Variants in PDE1A observed in about 807,000 individuals in gnomAD.
PDE1A encodes the protein phosphodiesterase 1A.
A neutral mutation model predicts 61.7 loss-of-function variants in PDE1A; 35 were observed. That is an observed-to-expected ratio of 0.57 (90% CI 0.43 to 0.75). The LOEUF is 0.75. Among genes scored for constraint, PDE1A ranks in the 30% least tolerant of loss-of-function variants. The probability of loss-of-function intolerance (pLI) is 0.00; values close to 1 mark genes in which losing one functional copy is unlikely to be tolerated. For missense variants in PDE1A, 597 were observed against 630.6 expected (o/e 0.95, Z 0.57); for synonymous variants, 232 against 213.2 (o/e 1.09, Z -0.77).
the PDE1A span, among the ~76,000 whole-genome samples, chr2:182,694,713 G>C: frequency 5.3e-5 from 8 of 151,328 alleles, no homozygotes; most frequent in African/African-American, 4.9e-5. Context: ...AAAAATTCAA[G>C]AGAAGAAGAG....
intron 2 of PDE1A, among the ~76,000 whole-genome samples, chr2:182,489,796 G>T (rs1238968050): frequency 1.5e-5 from 2 of 136,102 alleles, no homozygotes; most frequent in Non-Finnish European, 3.2e-5. Flanking sequence ...GCAACAAGAG[G>T]TGTTGGATAA....
At chr2:182,521,806 TATC>T in intron 2 of PDE1A, among the ~76,000 whole-genome samples, 1 of 152,208 alleles carries the variant, frequency 6.6e-6, no homozygotes, top group South Asian at 2.1e-4. Flanking sequence ...CTTATAGAAA[TATC>T]ATTTAAGCAA....
chr2:182,428,571 T>C (rs971924933), upstream of PDE1A, among the ~76,000 whole-genome samples: 1 of 152,154 alleles, frequency 6.6e-6, no homozygotes, highest in Non-Finnish European at 1.5e-5. Flanking sequence ...AGCAGTTAAA[T>C]ATACTGACCA....
chr2:182,579,960 G>A, the PDE1A span, among the ~76,000 whole-genome samples: 1 of 152,308 alleles, frequency 6.6e-6, no homozygotes, highest in South Asian at 2.1e-4. Flanking sequence ...CTGATCATGA[G>A]CAATGTGACT....
chr2:182,228,204 A>C (rs1279444864), intron 6 of PDE1A, among the ~76,000 whole-genome samples: 2 of 152,148 alleles, frequency 1.3e-5, no homozygotes, highest in Non-Finnish European at 2.9e-5. Context: ...GGGGACAAGC[A>C]GGTGTATGAG....
chr2:182,645,549 T>C, the PDE1A span, among the ~76,000 whole-genome samples: 1 of 152,176 alleles, frequency 6.6e-6, no homozygotes, highest in African/African-American at 2.4e-5. Context: ...AGTCAGCTAT[T>C]GTACTATTTG....
chr2:182,210,007 G>T (rs897370637), intron 7 of PDE1A, among the ~76,000 whole-genome samples: 10 of 152,092 alleles, frequency 6.6e-5, no homozygotes, highest in Non-Finnish European at 1.3e-4. Context: ...AAGTTTTCTT[G>T]TCTGCATATA....
At chr2:182,221,546 C>T (rs2125597767) in intron 7 of PDE1A, among the ~76,000 whole-genome samples, 1 of 152,232 alleles carries the variant, frequency 6.6e-6, no homozygotes, top group Middle Eastern at 3.4e-3. Context: ...TAACCAGACT[C>T]TGACGTTTTC....
intron 2 of PDE1A, among the ~76,000 whole-genome samples, chr2:182,470,456 T>C (rs1028076771): frequency 1.2e-4 from 18 of 151,892 alleles, no homozygotes; most frequent in Admixed American, 2.6e-4. Flanking sequence ...AAAGCTATTA[T>C]AGAAATAGCT....
intron 13 of PDE1A, among the ~76,000 whole-genome samples, chr2:182,173,842 G>T (rs1467618750): frequency 2.0e-5 from 3 of 151,952 alleles, no homozygotes; most frequent in Non-Finnish European, 4.4e-5. Flanking sequence ...GAATTAAAAA[G>T]ATAGTGGAAA....
the PDE1A span, among the ~76,000 whole-genome samples, chr2:182,696,260 A>T: frequency 6.6e-6 from 1 of 152,250 alleles, no homozygotes; most frequent in East Asian, 1.9e-4. Flanking sequence ...GTACATCCAG[A>T]CAACGGGATA....
intron 2 of PDE1A, among the ~76,000 whole-genome samples, chr2:182,243,980 G>A (rs1690758855): frequency 1.3e-5 from 2 of 152,160 alleles, no homozygotes; most frequent in Admixed American, 6.5e-5. Flanking sequence ...CGATTCTCCT[G>A]CCTCAGCCTC....
At chr2:182,671,338 A>ATTTTTTTTTTTTT in the PDE1A span, among the ~76,000 whole-genome samples, 75 of 75,212 alleles carry the variant, frequency 1.0e-3, no homozygotes, top group African/African-American at 1.7e-3. Context: ...CGACTGGCTA[A>ATTTTTTTTTTTTT]TTTTTTTTTT....
At chr2:182,699,047 T>C in the PDE1A span, among the ~76,000 whole-genome samples, 1 of 152,204 alleles carries the variant, frequency 6.6e-6, no homozygotes, top group Non-Finnish European at 1.5e-5. Context: ...AGACTTCACG[T>C]CTATCCCTGA....
chr2:182,316,294 G>A (rs1426688272), intron 1 of PDE1A, among the ~76,000 whole-genome samples: 6 of 152,056 alleles, frequency 3.9e-5, no homozygotes, highest in Non-Finnish European at 8.8e-5. Context: ...TTATACTGAT[G>A]TATTAAATTA....
At chr2:182,304,134 C>T (rs769526223) in intron 1 of PDE1A, among the ~76,000 whole-genome samples, 15 of 152,244 alleles carry the variant, frequency 9.9e-5, no homozygotes, top group South Asian at 8.3e-4. Context: ...CCTCCTGCCT[C>T]GGACTCCCAA....
At chr2:182,482,077 ATT>A (rs1177671896) in intron 2 of PDE1A, among the ~76,000 whole-genome samples, 1 of 151,902 alleles carries the variant, frequency 6.6e-6, no homozygotes, top group Non-Finnish European at 1.5e-5. Context: ...AAATTTACAC[ATT>A]GTCACTATTT....
At chr2:182,151,269 G>GT (rs572938765) in intron 13 of PDE1A, among the ~76,000 whole-genome samples, 98 of 151,896 alleles carry the variant, frequency 6.5e-4, no homozygotes, top group African/African-American at 2.2e-3. Flanking sequence ...TTTGTTTTTT[G>GT]TTTTTTTGCA....
intron 1 of PDE1A, among the ~76,000 whole-genome samples, chr2:182,327,530 A>G (rs1320319750): frequency 2.0e-5 from 3 of 152,200 alleles, no homozygotes; most frequent in Non-Finnish European, 4.4e-5. Flanking sequence ...AGTCATTGAG[A>G]TGGAGTGGCC....
Sources: allele counts gnomAD v4.1 joint callset (sites outside exome capture counted in the v4.1 genomes callset), GRCh38; gene constraint gnomAD v4.1.1; transcripts MANE v1.5; gene names NCBI Gene and HGNC (gene_info 2026-07-23, HGNC 2026-07-21).